The following NUMA1 variants were observed in gnomAD, a reference collection of about 807,000 sequenced individuals.
NUMA1 encodes nuclear mitotic apparatus protein 1.
NUMA1 carries 62 observed loss-of-function variants against 237.1 expected under a neutral mutation model. The observed-to-expected ratio is 0.26, with a 90% CI of 0.21 to 0.32. NUMA1 has a LOEUF of 0.32. Among genes scored for constraint, NUMA1 ranks in the 10% least tolerant of loss-of-function variants. NUMA1 has a pLI of 1.00. For synonymous variants in NUMA1, 1,028 were observed against 1,066.1 expected (o/e 0.96, Z 0.70); for missense variants, 2,533 against 2,666.5 (o/e 0.95, Z 1.10).
intron 2 of NUMA1, among the ~76,000 whole-genome samples, chr11:72,039,076 C>A (rs1941374137): frequency 2.0e-5 from 3 of 152,200 alleles, no homozygotes; most frequent in Non-Finnish European, 4.4e-5. Flanking sequence ...TTTACAGTAA[C>A]CCCTGTTTCC....
rs928953295 is a variant in NUMA1, at chr11:72,007,690, A to G, written c.5217-255T>C. ...GATGTCCCATCCCCACCAGATGCCC[A>G]TGGCTGCTTCACAGCAAACACGTCC... On this transcript the variant is annotated intron_variant, in intron 20 of 26. Transcript: ENST00000393695. 4.1e-5 allele frequency: 22 copies of G among 536,652 alleles called. No homozygotes were observed. In the Admixed American group the frequency reaches 6.6e-4, roughly 16 times the overall value. 33.2% of individuals were successfully genotyped at this position (536,652 alleles called of 1,614,324 possible).
chr11:72,063,384 AAAACAAAG>A (rs1282044831), intron 2 of NUMA1, among the ~76,000 whole-genome samples: 3 of 152,028 alleles, frequency 2.0e-5, no homozygotes, highest in South Asian at 2.1e-4. Context: ...ACCCTGTCTC[AAAACAAAG>A]AAACAAAGAA....
At chr11:72,063,922 CAA>C (rs35238614) in intron 2 of NUMA1, among the ~76,000 whole-genome samples, 41 of 52,474 alleles carry the variant, frequency 7.8e-4, no homozygotes, top group Admixed American at 1.7e-3. Flanking sequence ...GATCTTGTGT[CAA>C]AAAAAAAAAA....
At chr11:72,061,785 G>T (rs1350912789) in intron 2 of NUMA1, among the ~76,000 whole-genome samples, 1 of 151,982 alleles carries the variant, frequency 6.6e-6, no homozygotes, top group Admixed American at 6.6e-5. Flanking sequence ...ACCATGCCTG[G>T]CCCCTTATTT....
chr11:72,039,228 A>G (rs952618822), intron 2 of NUMA1, among the ~76,000 whole-genome samples: 1 of 152,250 alleles, frequency 6.6e-6, no homozygotes, highest in African/African-American at 2.4e-5. Flanking sequence ...ACCTGCTCAG[A>G]CACAAGAAGC....
rs1409381822 is a variant in NUMA1, at chr11:72,003,411, G to C, written c.*116C>G. 1 of 1,015,174 alleles carries C rather than the reference G, an allele frequency of 9.9e-7. No individual in the cohort carries two copies. The highest frequency in any genetic ancestry group is 1.6e-5 in the African/African-American group (1 of 63,904). 62.9% of individuals were successfully genotyped at this position (1,015,174 alleles called of 1,614,324 possible). A position where few individuals can be genotyped will look rare whatever the true frequency, so the allele number is the denominator to read the frequency against. ...CGGGCAGGCATCACTGTCTCTAGGGGTTTGGCTACTGTTGGCCTGGGAGCT... is the reference window on the plus strand; with the variant it reads ...CGGGCAGGCATCACTGTCTCTAGGGCTTTGGCTACTGTTGGCCTGGGAGCT... On this transcript the variant is annotated 3_prime_UTR_variant, in exon 27 of 27. Transcript: ENST00000393695.
chr11:72,004,602 A>G (rs1176999468), intron 24 of NUMA1, 38 bp downstream of exon 24: 2 of 1,595,052 alleles, frequency 1.3e-6, no homozygotes, highest in Non-Finnish European at 1.7e-6. Context: ...TGACCTGAGC[A>G]CAGTGCTGGA....
intron 9 of NUMA1, among the ~76,000 whole-genome samples, chr11:72,019,216 G>A (rs1938375010): frequency 6.6e-6 from 1 of 152,128 alleles, no homozygotes; most frequent in African/African-American, 2.4e-5. Context: ...ATTCTCCTTG[G>A]CTCTGCAGAG....
chr11:72,049,916 C>T (rs1171708119), intron 2 of NUMA1, among the ~76,000 whole-genome samples: 1 of 151,984 alleles, frequency 6.6e-6, no homozygotes, highest in Non-Finnish European at 1.5e-5. Context: ...TGTAGTAGAA[C>T]TTGTCTCCTC....
rs980743339 is a variant in NUMA1 at position 72,024,637 on chromosome 11, C to T, written c.129-284G>A. The T allele has an allele frequency of 2.7e-5, 12 of 439,996 alleles. No homozygotes were observed. The East Asian group carries it at 3.1e-4, about 11-fold the overall frequency. 27.3% of individuals were successfully genotyped at this position (439,996 alleles called of 1,614,324 possible). On this transcript the variant is annotated intron_variant, in intron 4 of 26. Transcript: ENST00000393695. ...ATAAAAAAGCTCTGTGGAAAGGGGC[C>T]GAGAGGAGACGGAGGCAGCACAGAT...
intron 2 of NUMA1, among the ~76,000 whole-genome samples, chr11:72,064,489 T>C (rs1445507247): frequency 6.6e-6 from 1 of 151,850 alleles, no homozygotes; most frequent in Non-Finnish European, 1.5e-5. Flanking sequence ...AAAAAAGTTT[T>C]AAATAATTTT....
intron 2 of NUMA1, among the ~76,000 whole-genome samples, chr11:72,037,767 C>A (rs1181247983): frequency 2.0e-5 from 3 of 152,178 alleles, no homozygotes; most frequent in African/African-American, 7.2e-5. Context: ...AGCCAATTCA[C>A]CTGGGCTTTG....
At chr11:72,067,729 T>C (rs1160698801) in intron 2 of NUMA1, 1 of 152,226 alleles carries the variant, frequency 6.6e-6, no homozygotes, top group Non-Finnish European at 1.5e-5. Context: ...ATCTAGAATT[T>C]TTAGCATCTC....
Position 72,009,309 on chromosome 11 carries a change from A to G in NUMA1, c.4798T>C (p.Leu1600=), listed in dbSNP as rs767766462. The G allele has an allele frequency of 2.5e-6, 4 of 1,613,580 alleles. No homozygotes were observed. Among genetic ancestry groups the G allele is most frequent in the Non-Finnish European group, 2.5e-6 (3 of 1,179,980 alleles). Residue 1600 remains leucine (L), a synonymous_variant, in exon 18 of 27, where the codon TTG becomes CTG. Coordinates refer to ENST00000393695, the MANE Select transcript of NUMA1 (RefSeq NM_006185.4). ...QAQLNELQAQ[L]SQKEQAAEHY... ...TCAGCTGCCTGCTCCTTCTGGCTCA[A>G]CTGGGCTTGCAGTTCATTCAGCTGG...
In NUMA1 at chr11:72,021,233, T is replaced by G; in HGVS notation, c.431A>C (p.Asn144Thr). 6.2e-7 allele frequency: 1 copy of G among 1,614,216 alleles called. No individual in the cohort carries two copies. Among genetic ancestry groups the G allele is most frequent in the Non-Finnish European group, 8.5e-7 (1 of 1,180,020 alleles). The change falls in exon 8 of 27, where the codon AAT becomes ACT. Residue 144 changes from asparagine to threonine, a missense_variant. By Grantham distance (65) the Asn-to-Thr change is moderately conservative (BLOSUM62 0). Coordinates refer to ENST00000393695, the MANE Select transcript of NUMA1 (RefSeq NM_006185.4). Reference protein sequence around the residue: ...VLDHEDGLNLNEDLENFLQKA... With the variant: ...VLDHEDGLNLTEDLENFLQKA... ...CTGTAGGAAGTTCTCTAGGTCCTCA[T>G]TAAGGTTTAGCCCGTCCTCATGGTC...
In NUMA1 at chr11:72,021,469, G is replaced by C. The variant is rs188723880; in HGVS notation, c.373-178C>G. Among the ~76,000 whole-genome samples, 8 of 152,352 alleles carry C rather than the reference G, an allele frequency of 5.3e-5. No individual in the cohort carries two copies. The East Asian group carries it at 1.2e-3, about 22-fold the overall frequency. ...TGACCCAGCCAACAACATTCAACTA[G>C]AGATATGTTCACCCCACTTGTCCCC... On this transcript the variant is annotated intron_variant, in intron 7 of 26. Coordinates refer to ENST00000393695, the MANE Select transcript of NUMA1 (RefSeq NM_006185.4).
chr11:72,034,263 A>G (rs540188981), intron 3 of NUMA1, among the ~76,000 whole-genome samples: 19 of 152,334 alleles, frequency 1.2e-4, no homozygotes, highest in Non-Finnish European at 2.2e-4. Flanking sequence ...ATAACATGCT[A>G]AATGACTGCA....
At chr11:72,034,309 A>G (rs1460485080) in intron 3 of NUMA1, among the ~76,000 whole-genome samples, 1 of 152,156 alleles carries the variant, frequency 6.6e-6, no homozygotes, top group Non-Finnish European at 1.5e-5. Context: ...TATGTATCTC[A>G]TTATCCTTGT....
At chr11:72,024,456 C>T in intron 4 of NUMA1, 103 bp from the exon 5 acceptor site, 1 of 1,032,814 alleles carries the variant, frequency 9.7e-7, no homozygotes, top group Non-Finnish European at 1.5e-6. Flanking sequence ...TTGATCTCTG[C>T]TGGATCTGGA....
Sources: allele counts gnomAD v4.1 joint callset (sites outside exome capture counted in the v4.1 genomes callset), GRCh38; gene constraint gnomAD v4.1.1; transcripts MANE v1.5; gene names NCBI Gene and HGNC (gene_info 2026-07-23, HGNC 2026-07-21).